The following EIF4EBP1 variants were observed in gnomAD, a reference collection of about 807,000 sequenced individuals.
The protein encoded by EIF4EBP1 is eukaryotic translation initiation factor 4E-binding protein 1.
In EIF4EBP1, 5 loss-of-function variants were observed where a neutral mutation model predicts 9.2. The observed-to-expected ratio is 0.54, with a 90% confidence interval of 0.28 to 1.14. The LOEUF is 1.14. EIF4EBP1 is among the 50% of genes most tolerant of loss of function. The pLI is 0.09. For missense variants in EIF4EBP1, 139 were observed against 169.6 expected (o/e 0.82, Z 1.00); for synonymous variants, 62 against 67.0 (o/e 0.93, Z 0.36).
chr8:38,059,773 A>C lies in EIF4EBP1; in HGVS notation c.326-131A>C. The C allele has an allele frequency of 6.2e-6, 6 of 970,998 alleles. No individual in the cohort carries two copies. In the South Asian group the frequency reaches 9.1e-5, roughly 15 times the overall value. 60.1% of individuals were successfully genotyped at this position (970,998 alleles called of 1,614,324 possible). ...TCCATCTCAAAAAAAAAAAACAAAA[A>C]AACAAAAAAAAACTTATTTTCTTTA... On this transcript the variant is annotated intron_variant, in intron 2 of 2. Coordinates refer to ENST00000338825, the MANE Select transcript of EIF4EBP1 (RefSeq NM_004095.4).
chr8:38,042,729 A>T (rs2130386401), intron 1 of EIF4EBP1, among the ~76,000 whole-genome samples: 1 of 152,264 alleles, frequency 6.6e-6, no homozygotes, highest in South Asian at 2.1e-4. Context: ...CTCCAAATAC[A>T]GTTGCATTCC....
chr8:38,041,821 T>C (rs1037146457), intron 1 of EIF4EBP1, among the ~76,000 whole-genome samples: 5 of 152,094 alleles, frequency 3.3e-5, no homozygotes, highest in Non-Finnish European at 7.4e-5. Context: ...TGAGACCCTG[T>C]CTTTACAAAA....
At chr8:38,032,331 A>T (rs1309916348) in intron 1 of EIF4EBP1, among the ~76,000 whole-genome samples, 7 of 152,190 alleles carry the variant, frequency 4.6e-5, no homozygotes, top group African/African-American at 1.7e-4. Context: ...TGGGCAACAT[A>T]GTGAGACTCC....
chr8:38,043,262 TTAAG>T (rs1446632618), intron 1 of EIF4EBP1, among the ~76,000 whole-genome samples: 2 of 152,060 alleles, frequency 1.3e-5, no homozygotes, highest in African/African-American at 2.4e-5. Flanking sequence ...TGGGAGGAGG[TTAAG>T]GAAGGGGAGG....
rs776167406 is a variant in EIF4EBP1, at chr8:38,057,201, C to T, written c.266C>T (p.Pro89Leu). 20 of 1,614,042 alleles carry T rather than the reference C, an allele frequency of 1.2e-5. No individual in the cohort carries two copies. The highest frequency in any genetic ancestry group is 2.7e-5 in the African/African-American group (2 of 74,936). Residue 89 changes from proline to leucine, a missense_variant, in exon 2 of 3, where the codon CCC becomes CTC. Coordinates refer to ENST00000338825, the MANE Select transcript of EIF4EBP1 (RefSeq NM_004095.4). ...PGVTSPSSDE[P>L]PMEASQSHLR... ...GTCACCAGCCCTTCCAGTGATGAGC[C>T]CCCCATGGAAGCCAGCCAGAGCCAC...
intron 2 of EIF4EBP1, among the ~76,000 whole-genome samples, chr8:38,059,107 A>C (rs777661998): frequency 2.6e-5 from 4 of 151,840 alleles, no homozygotes; most frequent in Non-Finnish European, 4.4e-5. Context: ...AAAAACAACA[A>C]GAGTCAGACG....
intron 1 of EIF4EBP1, among the ~76,000 whole-genome samples, chr8:38,054,064 C>T (rs761335382): frequency 1.3e-5 from 2 of 152,156 alleles, no homozygotes; most frequent in African/African-American, 2.4e-5. Context: ...GGCTGATGAC[C>T]TTTAAAGAGG....
intron 1 of EIF4EBP1, among the ~76,000 whole-genome samples, chr8:38,043,284 CCAG>C (rs1332954501): frequency 6.6e-6 from 1 of 152,078 alleles, no homozygotes; most frequent in African/African-American, 2.4e-5. Context: ...AGGAGCTTGG[CCAG>C]CAATCAGAAT....
intron 1 of EIF4EBP1, among the ~76,000 whole-genome samples, chr8:38,037,004 TA>T (rs879813189): frequency 3.5e-4 from 51 of 146,706 alleles, no homozygotes; most frequent in Non-Finnish European, 3.6e-4. Context: ...AGGTGAGTTT[TA>T]AAAAAAAAAA....
At chr8:38,055,480 G>C (rs1040640028) in intron 1 of EIF4EBP1, among the ~76,000 whole-genome samples, 3 of 151,732 alleles carry the variant, frequency 2.0e-5, no homozygotes, top group African/African-American at 7.3e-5. Flanking sequence ...CCCAAACTTG[G>C]GTTATTCATA....
chr8:38,031,114 A>G (rs572682446), intron 1 of EIF4EBP1, among the ~76,000 whole-genome samples: 21 of 152,098 alleles, frequency 1.4e-4, no homozygotes, highest in African/African-American at 4.6e-4. Flanking sequence ...TGGGATGGGT[A>G]TTATCTGTTG....
intron 1 of EIF4EBP1, among the ~76,000 whole-genome samples, chr8:38,049,125 C>CAAA (rs916485531): frequency 2.5e-5 from 2 of 79,392 alleles, no homozygotes; most frequent in Non-Finnish European, 5.2e-5. Context: ...AACTCCGTCT[C>CAAA]AAAAAAAAAA....
chr8:38,041,057 C>T (rs1809372030), intron 1 of EIF4EBP1, among the ~76,000 whole-genome samples: 1 of 152,204 alleles, frequency 6.6e-6, no homozygotes, highest in Non-Finnish European at 1.5e-5. Flanking sequence ...GCCTCGGCCT[C>T]CCAAAGTGCT....
intron 2 of EIF4EBP1, among the ~76,000 whole-genome samples, chr8:38,057,691 A>G (rs1232803923): frequency 6.6e-6 from 1 of 152,206 alleles, no homozygotes; most frequent in African/African-American, 2.4e-5. Context: ...TATGTCTACA[A>G]GATAAGAAAT....
chr8:38,053,537 G>A (rs1340615061), intron 1 of EIF4EBP1, among the ~76,000 whole-genome samples: 43 of 152,214 alleles, frequency 2.8e-4, no homozygotes, highest in Admixed American at 2.8e-3. Context: ...TTTTGGTAGA[G>A]ACGGGGTTTC....
At chr8:38,047,992 A>G (rs2130391435) in intron 1 of EIF4EBP1, among the ~76,000 whole-genome samples, 1 of 152,224 alleles carries the variant, frequency 6.6e-6, no homozygotes, top group South Asian at 2.1e-4. Flanking sequence ...GCAACATAGC[A>G]AGATTCTGTC....
chr8:38,037,283 C>T (rs1809316742), intron 1 of EIF4EBP1, among the ~76,000 whole-genome samples: 1 of 152,046 alleles, frequency 6.6e-6, no homozygotes, highest in Non-Finnish European at 1.5e-5. Flanking sequence ...GGAATGAAAG[C>T]GTTCCCCTCA....
intron 2 of EIF4EBP1, among the ~76,000 whole-genome samples, chr8:38,057,548 C>T (rs988610368): frequency 2.6e-5 from 4 of 152,202 alleles, no homozygotes; most frequent in Admixed American, 6.5e-5. Flanking sequence ...AGCGGCTGCA[C>T]ACAGCAACTT....
intron 1 of EIF4EBP1, among the ~76,000 whole-genome samples, chr8:38,033,412 C>G (rs1809253452): frequency 6.6e-6 from 1 of 151,724 alleles, no homozygotes; most frequent in African/African-American, 2.4e-5. Flanking sequence ...GGTGCACATA[C>G]CACACTCTGA....
Sources: gnomAD v4.1 joint callset for allele counts (sites outside exome capture counted in the v4.1 genomes callset) on GRCh38, gnomAD v4.1.1 for gene constraint, MANE v1.5 for transcripts, NCBI Gene and HGNC (gene_info 2026-07-23, HGNC 2026-07-21) for gene names.